TG: variants seen among roughly 807,000 people sequenced by gnomAD.
TG encodes thyroglobulin, also known as thyroid hormones.
In TG, 270 loss-of-function variants were observed where a neutral mutation model predicts 324.7. That is an observed-to-expected ratio of 0.83 (90% CI 0.75 to 0.92). TG has a LOEUF of 0.92. TG is among the 40% of genes least tolerant of loss of function. TG has a pLI of 0.00. For synonymous variants in TG, 1,401 were observed against 1,327.0 expected (o/e 1.06, Z -1.21); for missense variants, 3,591 against 3,456.4 (o/e 1.04, Z -0.98).
intron 35 of TG, among the ~76,000 whole-genome samples, chr8:133,004,922 T>A (rs1166560099): frequency 6.6e-6 from 1 of 151,934 alleles, no homozygotes; most frequent in Non-Finnish European, 1.5e-5. Context: ...CAGAACCAGG[T>A]GGAAAAGAAA....
intron 43 of TG, among the ~76,000 whole-genome samples, chr8:133,113,212 G>A (rs970416513): frequency 6.6e-6 from 1 of 152,192 alleles, no homozygotes; most frequent in African/African-American, 2.4e-5. Flanking sequence ...GGGAAGGCAG[G>A]CACAGAGAGG....
chr8:132,878,920 G>T (rs1412303404), intron 5 of TG, among the ~76,000 whole-genome samples: 1 of 152,194 alleles, frequency 6.6e-6, no homozygotes, highest in Non-Finnish European at 1.5e-5. Flanking sequence ...CAAGGCTAGG[G>T]ATGGAGCCTG....
At chr8:132,880,229 AGACAGTG>A (rs1814462085) in intron 5 of TG, among the ~76,000 whole-genome samples, 1 of 152,228 alleles carries the variant, frequency 6.6e-6, no homozygotes, top group Admixed American at 6.5e-5. Flanking sequence ...CACTAGTTCA[AGACAGTG>A]GCCCATATAC....
chr8:132,882,882 C>T lies in TG; in HGVS notation c.958C>T (p.Arg320Cys), dbSNP rs138561283. 6.0e-4 allele frequency: 973 copies of T among 1,614,190 alleles called. No homozygotes were observed. The highest frequency in any genetic ancestry group is 6.9e-4 in the Non-Finnish European group (815 of 1,180,038). Residue 320 changes from arginine (R) to cysteine (C), a missense_variant, in exon 8 of 48, where the codon CGC becomes TGC. Physicochemically the swap from Arg to Cys is radical, Grantham distance 180 (BLOSUM62 -3). Coordinates refer to ENST00000220616, the MANE Select transcript of TG (RefSeq NM_003235.5). Reference protein sequence around the residue: ...SFGHPYVPSCRRNGDYQAVQC... With the variant: ...SFGHPYVPSCCRNGDYQAVQC... ...TGGTCACCCCTATGTTCCAAGCTGC[C>T]GCCGAAATGGCGACTATCAGGCGGT...
At chr8:133,128,382 C>CACACAG (rs1270700620) in intron 45 of TG, among the ~76,000 whole-genome samples, 2 of 149,160 alleles carry the variant, frequency 1.3e-5, no homozygotes, top group East Asian at 2.0e-4. Flanking sequence ...CACACACACA[C>CACACAG]AGTCATCCGC....
At chr8:133,074,523 C>T (rs1463177497) in intron 41 of TG, among the ~76,000 whole-genome samples, 2 of 152,210 alleles carry the variant, frequency 1.3e-5, no homozygotes, top group South Asian at 2.1e-4. Context: ...CCCTCAAGGT[C>T]GCACAGCTAG....
intron 41 of TG, among the ~76,000 whole-genome samples, chr8:133,067,775 C>T (rs13263197): frequency 0.048 from 7,011 of 144,884 alleles, 263 homozygotes; most frequent in Non-Finnish European, 0.072. Flanking sequence ...AAGACTCCAT[C>T]TAGAAAGAAA....
intron 15 of TG, 148 bp downstream of exon 15, chr8:132,900,487 C>T (rs781698364): frequency 2.2e-4 from 167 of 752,376 alleles, no homozygotes; most frequent in Non-Finnish European, 3.5e-4. Flanking sequence ...TCAGTTTTCT[C>T]ATCTATGAAA....
chr8:132,965,206 T>G (rs1437760458), intron 29 of TG, among the ~76,000 whole-genome samples: 1 of 152,078 alleles, frequency 6.6e-6, no homozygotes, highest in African/African-American at 2.4e-5. Flanking sequence ...CATGGTTCAG[T>G]GAGGAAACAG....
At chr8:132,905,181 A>G (rs1563935553) in intron 16 of TG, among the ~76,000 whole-genome samples, 1 of 152,200 alleles carries the variant, frequency 6.6e-6, no homozygotes, top group Non-Finnish European at 1.5e-5. Flanking sequence ...TCACCATTTT[A>G]TGGGTGAGGA....
At chr8:132,952,747 C>G (rs752960075) in intron 27 of TG, among the ~76,000 whole-genome samples, 1 of 152,216 alleles carries the variant, frequency 6.6e-6, no homozygotes, top group African/African-American at 2.4e-5. Flanking sequence ...ACAACTCAAT[C>G]GATCCTTTGG....
At chr8:133,048,960 G>A in intron 41 of TG, 3 of 333,266 alleles carry the variant, frequency 9.0e-6, no homozygotes, top group South Asian at 4.7e-5. Flanking sequence ...GTAACTTAGT[G>A]TTTATCAATG....
intron 5 of TG, among the ~76,000 whole-genome samples, chr8:132,879,405 C>A (rs1814322437): frequency 6.6e-6 from 1 of 152,216 alleles, no homozygotes; most frequent in Non-Finnish European, 1.5e-5. Flanking sequence ...CATCACCATG[C>A]AGAATCCCAG....
intron 41 of TG, among the ~76,000 whole-genome samples, chr8:133,072,552 G>T (rs1844227823): frequency 6.6e-6 from 1 of 152,198 alleles, no homozygotes; most frequent in Admixed American, 6.5e-5. Context: ...AAATATGCTG[G>T]AAGTTTTGAT....
rs185877504 is a variant in TG, at chr8:133,103,995, G to A, written c.7572+7622G>A. Among the ~76,000 whole-genome samples the A allele has an allele frequency of 4.4e-3, 677 of 152,344 alleles. 2 individuals carry two copies. Among genetic ancestry groups the A allele is most frequent in the Middle Eastern group, 0.01 (3 of 294 alleles). ...ATTGCAGAGGAGGCGATGGAATGGG[G>A]CAATTACTTTAGGGGCAGTCAGAGA... On this transcript the variant is annotated intron_variant, in intron 43 of 47. Transcript: ENST00000220616.
chr8:133,113,613 G>A lies in TG; in HGVS notation c.7754+10G>A. 1.2e-6 allele frequency: 2 copies of A among 1,613,400 alleles called. No homozygotes were observed. The highest frequency in any genetic ancestry group is 1.7e-6 in the Non-Finnish European group (2 of 1,179,628). ...TGGAGAATGCCACCCGGTAAGCTAA[G>A]CTGCAGGAGGGTGCAGATTCCTACT... On this transcript the variant is annotated intron_variant, in intron 44 of 47. Coordinates refer to ENST00000220616, the MANE Select transcript of TG (RefSeq NM_003235.5).
At chr8:132,886,098 T>C (rs952520674) in intron 8 of TG, among the ~76,000 whole-genome samples, 22 of 152,160 alleles carry the variant, frequency 1.4e-4, no homozygotes, top group Admixed American at 1.3e-4. Context: ...ATGAACATCA[T>C]GTCTGTGTGT....
In TG at chr8:132,886,946, G is replaced by A; in HGVS notation, c.1574G>A (p.Gly525Glu). 6.2e-7 allele frequency: 1 copy of A among 1,614,162 alleles called. No individual in the cohort carries two copies. Among genetic ancestry groups the A allele is most frequent in the Non-Finnish European group, 8.5e-7 (1 of 1,180,034 alleles). Residue 525 changes from glycine (G) to glutamate (E), a missense_variant, in exon 9 of 48, where the codon GGA becomes GAA. Transcript: ENST00000220616. The part of the protein sequence containing the change: ...QEDLAKPLSV[G>E]LDSNSSTGTP... ...GATTTGGCCAAGCCACTCTCTGTGG[G>A]ATTAGATTCAAATTCTTCCACAGGA... is the stretch of plus-strand genomic sequence containing the variant.
In TG at chr8:132,940,671, A is replaced by G. The variant is rs994741200; in HGVS notation, c.5042-680A>G. 3.9e-5 allele frequency among the ~76,000 whole-genome samples: 6 copies of G among 151,992 alleles called. No homozygotes were observed. The South Asian group carries it at 1.2e-3, about 32-fold the overall frequency. ...GCTGCTTGCACAAAGGGAAGGGAAA[A>G]CTCTGCAATGGTCACTTTGAAGACA... is the stretch of plus-strand genomic sequence containing the variant. On this transcript the variant is annotated intron_variant, in intron 25 of 47. Coordinates refer to ENST00000220616, the MANE Select transcript of TG (RefSeq NM_003235.5).
Sources: allele counts gnomAD v4.1 joint callset (sites outside exome capture counted in the v4.1 genomes callset), GRCh38; gene constraint gnomAD v4.1.1; transcripts MANE v1.5; gene names NCBI Gene and HGNC (gene_info 2026-07-23, HGNC 2026-07-21).